The following SFXN2 variants were observed in gnomAD, a reference collection of about 807,000 sequenced individuals.
SFXN2 encodes the protein sideroflexin 2.
Under a neutral mutation model 41.9 loss-of-function variants are expected in SFXN2, and 37 were observed. The ratio of observed to expected loss-of-function variants is 0.88; its 90% confidence interval spans 0.68 to 1.16. The LOEUF is 1.16. Among genes scored for constraint, SFXN2 ranks in the 50% most tolerant of loss-of-function variants. SFXN2 has a pLI of 0.00. For missense variants in SFXN2, 386 were observed against 425.2 expected (o/e 0.91, Z 0.81); for synonymous variants, 150 against 156.7 (o/e 0.96, Z 0.32).
chr10:102,732,294 G>T, intron 8 of SFXN2, 76 bp downstream of exon 8: 1 of 1,335,084 alleles, frequency 7.5e-7, no homozygotes. Flanking sequence ...TCAGCTTTTG[G>T]GTGGGAGGTG....
Position 102,727,157 on chromosome 10 carries a change from G to A in SFXN2, c.332G>A (p.Arg111Lys). The change falls in exon 3 of 12, where the codon AGG becomes AAG. Residue 111 changes from arginine to lysine, a missense_variant and splice_region_variant. Coordinates refer to ENST00000369893, the MANE Select transcript of SFXN2 (RefSeq NM_178858.6). ...ACGGGCTTCATGCTCCAGTTCTACA[G>A]GTGGGACCTGGGGGCAGGGCCGTGG... ...IITGFMLQFY[R>K]TMPAVIFWQW... is the part of the protein sequence containing the mutation. 6.3e-7 allele frequency: 1 copy of A among 1,593,648 alleles called. No individual in the cohort carries two copies. The highest frequency in any genetic ancestry group is 2.3e-5 in the East Asian group (1 of 44,246).
chr10:102,716,957 T>A (rs1248558517), intron 1 of SFXN2, among the ~76,000 whole-genome samples: 1 of 152,098 alleles, frequency 6.6e-6, no homozygotes. Flanking sequence ...CTGGATCTGT[T>A]GATTGTTCGT....
intron 3 of SFXN2, 32 bp downstream of exon 3, chr10:102,727,189 C>G: frequency 6.3e-7 from 1 of 1,577,226 alleles, no homozygotes. Context: ...GTGGGAGGTA[C>G]AGCTGCCTGG....
rs1352396146 is a variant in SFXN2 at position 102,735,892 on chromosome 10, G to A, written c.852G>A (p.Gly284=). Residue 284 remains glycine (G), a synonymous_variant, in exon 11 of 12, where the codon GGG becomes GGA. Transcript: ENST00000369893. ...TCTTCATGGTGCCAGTGGCGTGTGG[G>A]CTTTTCCCACAGAAATGGTATCTGC... The part of the protein sequence containing the change: ...FLIFMVPVAC[G]LFPQKCELPV... 1.2e-6 allele frequency: 2 copies of A among 1,614,130 alleles called. No homozygotes were observed. The highest frequency in any genetic ancestry group is 3.3e-5 in the Admixed American group (2 of 60,020).
intron 1 of SFXN2, among the ~76,000 whole-genome samples, chr10:102,720,148 T>A (rs922087245): frequency 1.3e-5 from 2 of 151,772 alleles, no homozygotes; most frequent in Non-Finnish European, 2.9e-5. Context: ...AACAATTAGC[T>A]GGGTGTGGTG....
In SFXN2 at chr10:102,734,424, TA is replaced by T. The variant is rs1356417478; in HGVS notation, c.821+823del. 6.6e-6 allele frequency among the ~76,000 whole-genome samples: 1 copy of T among 152,226 alleles called. No individual in the cohort carries two copies. The highest frequency in any genetic ancestry group is 6.5e-5 in the Admixed American group (1 of 15,278). Reference sequence around the variant, plus strand: ...CACTGAACCCAGTGTTTCATATCTATAATTTCACTTAATTCTCCCAGCCTTA... The same window carrying T: ...CACTGAACCCAGTGTTTCATATCTATATTTCACTTAATTCTCCCAGCCTTA... On this transcript the variant is annotated intron_variant, in intron 10 of 11. Transcript: ENST00000369893. This position sits in a 1 kb window ranked among gnomAD's most constrained non-coding sequence, Gnocchi z 4.1.
chr10:102,721,148 G>T (rs2064503336), intron 1 of SFXN2, among the ~76,000 whole-genome samples: 2 of 152,162 alleles, frequency 1.3e-5, no homozygotes, highest in South Asian at 4.1e-4. Context: ...AACAGCCACA[G>T]TTATGTGAGC....
rs1057233706 is a variant in SFXN2, at chr10:102,739,594, C to T, written c.*1832C>T. ...CTGATCCTTGACACAAAAAGTTTCC[C>T]CTGCCCTGGAGCAGTGGTTCTTAAG... is the stretch of plus-strand genomic sequence containing the variant. On this transcript the variant is annotated 3_prime_UTR_variant, in exon 12 of 12. Coordinates refer to ENST00000369893, the MANE Select transcript of SFXN2 (RefSeq NM_178858.6). 1 of 152,072 alleles carries T rather than the reference C, an allele frequency of 6.6e-6. No individual in the cohort carries two copies. The highest frequency in any genetic ancestry group is 2.4e-5 in the African/African-American group (1 of 41,402). The allele number at this position is 152,072 out of a possible 1,614,324, so 9.4% of individuals were successfully genotyped here. A position where few individuals can be genotyped will look rare whatever the true frequency, so the allele number is the denominator to read the frequency against.
intron 3 of SFXN2, among the ~76,000 whole-genome samples, chr10:102,727,460 C>A (rs1360509241): frequency 6.6e-6 from 1 of 151,896 alleles, no homozygotes; most frequent in African/African-American, 2.4e-5. Flanking sequence ...TGTGTAGAAC[C>A]CTCAACAAAT....
At chr10:102,717,772 G>A in intron 1 of SFXN2, 1 of 985,474 alleles carries the variant, frequency 1.0e-6, no homozygotes, top group Non-Finnish European at 1.2e-6. Flanking sequence ...AAGTTGGAAT[G>A]CATTTCAGGT....
chr10:102,735,169 C>G (rs2064758019), intron 10 of SFXN2, among the ~76,000 whole-genome samples: 1 of 150,828 alleles, frequency 6.6e-6, no homozygotes, highest in South Asian at 2.1e-4. Context: ...CTCATCCCTC[C>G]TCCCCTCTGT....
Position 102,729,716 on chromosome 10 carries a change from C to T in SFXN2, c.508-7C>T, listed in dbSNP as rs1330153781. 2 of 1,613,846 alleles carry T rather than the reference C, an allele frequency of 1.2e-6. No individual in the cohort carries two copies. Among genetic ancestry groups the T allele is most frequent in the East Asian group, 2.2e-5 (1 of 44,890 alleles). On this transcript the variant is annotated splice_region_variant and splice_polypyrimidine_tract_variant and intron_variant, in intron 5 of 11. Coordinates refer to ENST00000369893, the MANE Select transcript of SFXN2 (RefSeq NM_178858.6). Reference sequence around the variant, plus strand: ...GAACAACTCCTACTGTTCTCTTCCCCCAACAGAAAGCGCCGCCCTTGGTGG... The same window carrying T: ...GAACAACTCCTACTGTTCTCTTCCCTCAACAGAAAGCGCCGCCCTTGGTGG...
chr10:102,726,442 T>C, intron 1 of SFXN2, 170 bp from the exon 2 acceptor site: 2 of 627,882 alleles, frequency 3.2e-6, no homozygotes, highest in South Asian at 1.9e-5. Context: ...AAACACATGT[T>C]GGTGCCCAGT....
At chr10:102,720,068 G>A (rs2064483925) in intron 1 of SFXN2, among the ~76,000 whole-genome samples, 1 of 151,982 alleles carries the variant, frequency 6.6e-6, no homozygotes, top group African/African-American at 2.4e-5. Flanking sequence ...CGCGGGTAAT[G>A]GGTCACGAGG....
At position 102,741,662 on chromosome 10, in the gene SFXN2, C is replaced by T. The variant is rs1842786129; in HGVS notation, c.*3900C>T. The stretch of plus-strand genomic sequence containing the variant: ...TCAAGCAATCCTCATGCCTTGGCCT[C>T]CCAAAGTGTTGGGATTACAGGCGTG... On this transcript the variant is annotated 3_prime_UTR_variant, in exon 12 of 12. Coordinates refer to ENST00000369893, the MANE Select transcript of SFXN2 (RefSeq NM_178858.6). 6.6e-6 allele frequency: 1 copy of T among 152,266 alleles called. No individual in the cohort carries two copies. Among genetic ancestry groups the T allele is most frequent in the South Asian group, 2.1e-4 (1 of 4,836 alleles). 9.4% of individuals were successfully genotyped at this position (152,266 alleles called of 1,614,324 possible).
intron 1 of SFXN2, among the ~76,000 whole-genome samples, chr10:102,721,515 A>G (rs1411456609): frequency 2.0e-5 from 3 of 147,898 alleles, no homozygotes; most frequent in Admixed American, 6.8e-5. Context: ...TATATGTTAT[A>G]TTTAAACGTA....
chr10:102,726,547 G>C (rs2244647), intron 1 of SFXN2, 65 bp from the exon 2 acceptor site: 1,175,791 of 1,533,838 alleles, frequency 0.77, 452,416 homozygotes, highest in South Asian at 0.82. Flanking sequence ...ACAGTGGGAC[G>C]TGCTCAGGTC....
chr10:102,716,814 C>G (rs1399351591), intron 1 of SFXN2: 1 of 152,116 alleles, frequency 6.6e-6, no homozygotes, highest in Non-Finnish European at 1.5e-5. Context: ...GGTGATCTCT[C>G]TGCTTTGGGC....
At chr10:102,719,307 C>T (rs746392848) in intron 1 of SFXN2, among the ~76,000 whole-genome samples, 6 of 151,460 alleles carry the variant, frequency 4.0e-5, no homozygotes, top group African/African-American at 9.7e-5. Context: ...CTGCAACCTC[C>T]GCCTCCTGGG....
Sources: allele counts gnomAD v4.1 joint callset (sites outside exome capture counted in the v4.1 genomes callset), GRCh38; gene constraint gnomAD v4.1.1; non-coding constraint Gnocchi (gnomAD v3.1); transcripts MANE v1.5; gene names NCBI Gene and HGNC (gene_info 2026-07-23, HGNC 2026-07-21).